The following MAGI2 variants were observed in gnomAD, a reference collection of about 807,000 sequenced individuals.
MAGI2 encodes the protein membrane associated guanylate kinase, WW and PDZ domain containing 2.
In MAGI2, 35 loss-of-function variants were observed where a neutral mutation model predicts 133.3. The ratio of observed to expected loss-of-function variants is 0.26; its 90% CI spans 0.20 to 0.35. MAGI2 has a LOEUF of 0.35. Among genes scored for constraint, MAGI2 ranks in the 10% least tolerant of loss-of-function variants. The pLI is 1.00. For missense variants in MAGI2, 1,636 were observed against 1,863.4 expected, an observed-to-expected ratio of 0.88 and a Z score of 2.25; for synonymous variants, 729 against 710.6, an observed-to-expected ratio of 1.03 and a Z score of -0.41.
At chr7:79,147,993 T>C (rs1822815439) in intron 1 of MAGI2, among the ~76,000 whole-genome samples, 1 of 152,168 alleles carries the variant, frequency 6.6e-6, no homozygotes, top group Non-Finnish European at 1.5e-5. Flanking sequence ...GATAAAGGGT[T>C]TCTAGTTGAG....
At chr7:78,688,231 C>T (rs1173410281) in intron 2 of MAGI2, among the ~76,000 whole-genome samples, 1 of 152,042 alleles carries the variant, frequency 6.6e-6, no homozygotes, top group Non-Finnish European at 1.5e-5. Flanking sequence ...AATGAGCTAT[C>T]ACCTATTTTT....
At chr7:78,761,044 A>G (rs1824458259) in intron 2 of MAGI2, among the ~76,000 whole-genome samples, 2 of 152,186 alleles carry the variant, frequency 1.3e-5, no homozygotes, top group African/African-American at 4.8e-5. Flanking sequence ...TATAATTTTC[A>G]TCTTACAGAA....
At position 79,013,842 on chromosome 7, in the gene MAGI2, T is replaced by C. The variant is rs1463992108; in HGVS notation, c.302-6636A>G. 2.0e-5 allele frequency among the ~76,000 whole-genome samples: 3 copies of C among 152,292 alleles called. No individual in the cohort carries two copies. The East Asian group carries it at 5.8e-4, about 29-fold the overall frequency. On this transcript the variant is annotated intron_variant, in intron 1 of 21. Transcript: ENST00000354212. ...CCCTAATAATTCCCAATTTGCCTATTTTAAATAGGAAAGCCATAAAGCTCA... is the reference window on the plus strand; with the variant it reads ...CCCTAATAATTCCCAATTTGCCTATCTTAAATAGGAAAGCCATAAAGCTCA...
At chr7:78,669,592 A>T (rs1283028382) in intron 2 of MAGI2, among the ~76,000 whole-genome samples, 1 of 144,508 alleles carries the variant, frequency 6.9e-6, no homozygotes, top group Non-Finnish European at 1.5e-5. Context: ...TCATCCTGAT[A>T]CCAAAGCCGG....
At chr7:78,472,046 T>C (rs996852556) in intron 6 of MAGI2, among the ~76,000 whole-genome samples, 1 of 152,092 alleles carries the variant, frequency 6.6e-6, no homozygotes, top group Non-Finnish European at 1.5e-5. Context: ...CCAGAGCCTA[T>C]GTTCTTACGG....
chr7:78,771,560 TTTCAGTGTTAA>T (rs1224972075), intron 2 of MAGI2, among the ~76,000 whole-genome samples: 9 of 152,210 alleles, frequency 5.9e-5, no homozygotes, highest in Admixed American at 2.6e-4. Context: ...TAATTAAACT[TTTCAGTGTTAA>T]TAACAAGGCT....
At chr7:79,126,313 A>G (rs1279915957) in intron 1 of MAGI2, among the ~76,000 whole-genome samples, 1 of 152,102 alleles carries the variant, frequency 6.6e-6, no homozygotes. Flanking sequence ...TCCCATTTAT[A>G]TGGTTATGGT....
Position 79,270,838 on chromosome 7 carries a change from C to G in MAGI2, c.301+182182G>C, listed in dbSNP as rs535568749. On this transcript the variant is annotated intron_variant, in intron 1 of 21. Transcript: ENST00000354212. ...ATATTCTACCCTGTGGTTTTTCTTTCCCACATTCTCTAGTTTCTTCATACC... is the reference window on the plus strand; with the variant it reads ...ATATTCTACCCTGTGGTTTTTCTTTGCCACATTCTCTAGTTTCTTCATACC... Among the ~76,000 whole-genome samples the G allele has an allele frequency of 1.0e-3, 159 of 151,984 alleles. 1 individual carries two copies. The highest frequency in any genetic ancestry group is 3.5e-3 in the African/African-American group (147 of 41,490).
intron 15 of MAGI2, among the ~76,000 whole-genome samples, chr7:78,164,005 G>A (rs916400297): frequency 5.3e-5 from 8 of 152,074 alleles, no homozygotes; most frequent in Non-Finnish European, 1.2e-4. Context: ...GGCACCAGTT[G>A]GCTGGAGCTC....
chr7:78,519,482 A>G (rs141264337), intron 4 of MAGI2, among the ~76,000 whole-genome samples: 1 of 152,170 alleles, frequency 6.6e-6, no homozygotes, highest in Non-Finnish European at 1.5e-5. Flanking sequence ...TTGAAAACCT[A>G]GAGTTGGCTA....
At chr7:79,136,009 GAAAGAAA>G (rs1821425149) in intron 1 of MAGI2, among the ~76,000 whole-genome samples, 1 of 115,644 alleles carries the variant, frequency 8.6e-6, no homozygotes, top group Non-Finnish European at 1.7e-5. Flanking sequence ...GAAAGAGAAA[GAAAGAAA>G]GAAAGAAAGA....
intron 9 of MAGI2, 57 bp from the exon 10 acceptor site, chr7:78,256,638 A>C: frequency 1.4e-6 from 2 of 1,412,598 alleles, no homozygotes; most frequent in South Asian, 2.4e-5. Context: ...ATTGACATAG[A>C]GAAATGGAAT....
chr7:78,051,521 C>A (rs1050440973), intron 21 of MAGI2, among the ~76,000 whole-genome samples: 57 of 152,336 alleles, frequency 3.7e-4, no homozygotes, highest in African/African-American at 1.3e-3. Flanking sequence ...TGAGAATTCA[C>A]AGTGCAGCCA....
intron 2 of MAGI2, among the ~76,000 whole-genome samples, chr7:79,002,867 G>A (rs1807022528): frequency 1.4e-5 from 2 of 141,624 alleles, no homozygotes; most frequent in African/African-American, 2.8e-5. Context: ...AAAAGTGTGT[G>A]TGTGTGTGTG....
chr7:78,854,736 T>C (rs990424800), intron 2 of MAGI2, among the ~76,000 whole-genome samples: 1 of 152,180 alleles, frequency 6.6e-6, no homozygotes, highest in African/African-American at 2.4e-5. Flanking sequence ...TAGTTGTGGT[T>C]TTACTTTGTC....
chr7:79,319,530 G>C (rs1442389914), intron 1 of MAGI2, among the ~76,000 whole-genome samples: 1 of 152,110 alleles, frequency 6.6e-6, no homozygotes, highest in Non-Finnish European at 1.5e-5. Flanking sequence ...TTAAAAGGGA[G>C]TAGCGAGCAC....
At chr7:79,322,427 C>A (rs1839256193) in intron 1 of MAGI2, among the ~76,000 whole-genome samples, 1 of 151,966 alleles carries the variant, frequency 6.6e-6, no homozygotes, top group African/African-American at 2.4e-5. Context: ...CTGTCTAGGT[C>A]CAAATGCAAC....
Position 78,836,932 on chromosome 7 carries a change from A to C in MAGI2, c.418+170158T>G, listed in dbSNP as rs181021323. On this transcript the variant is annotated intron_variant, in intron 2 of 21. Coordinates refer to ENST00000354212, the MANE Select transcript of MAGI2 (RefSeq NM_012301.4). ...AGCTGTTCGTACTTTGTGTTTACATAGGTGTCTAGGTAGTTATTTATTCAT... is the reference window on the plus strand; with the variant it reads ...AGCTGTTCGTACTTTGTGTTTACATCGGTGTCTAGGTAGTTATTTATTCAT... Among the ~76,000 whole-genome samples, 131 of 152,316 alleles carry C rather than the reference A, an allele frequency of 8.6e-4. 1 individual carries two copies. Among genetic ancestry groups the C allele is most frequent in the African/African-American group, 3.0e-3 (125 of 41,570 alleles).
chr7:79,425,784 G>T (rs1025244498), intron 1 of MAGI2, among the ~76,000 whole-genome samples: 2 of 151,678 alleles, frequency 1.3e-5, no homozygotes, highest in African/African-American at 4.8e-5. Flanking sequence ...AGAGAGGGTT[G>T]GGGGATGGAG....
Sources: gnomAD v4.1 joint callset for allele counts (sites outside exome capture counted in the v4.1 genomes callset) on GRCh38, gnomAD v4.1.1 for gene constraint, MANE v1.5 for transcripts, NCBI Gene and HGNC (gene_info 2026-07-23, HGNC 2026-07-21) for gene names.